The following RPAP3 variants were observed in gnomAD, a reference collection of about 807,000 sequenced individuals.
The protein encoded by RPAP3 is RNA polymerase II-associated protein 3.
RPAP3 carries 58 observed loss-of-function variants against 88.8 expected under a neutral mutation model. That is an observed-to-expected ratio of 0.65 (90% CI 0.53 to 0.81). RPAP3 has a LOEUF of 0.81. RPAP3 is among the 40% of genes least tolerant of loss of function. The probability of loss-of-function intolerance (pLI) is 0.00; values close to 1 mark genes in which losing one functional copy is unlikely to be tolerated. For synonymous variants in RPAP3, 255 were observed against 259.9 expected, an observed-to-expected ratio of 0.98 and a Z score of 0.18; for missense variants, 751 against 764.3, an observed-to-expected ratio of 0.98 and a Z score of 0.20.
At position 47,680,325 on chromosome 12, in the gene RPAP3, T is replaced by G. The variant is rs150632122; in HGVS notation, c.1115-551A>C. Among the ~76,000 whole-genome samples, 30 of 152,238 alleles carry G rather than the reference T, an allele frequency of 2.0e-4. No homozygotes were observed. The East Asian group carries it at 5.2e-3, about 26-fold the overall frequency. The stretch of plus-strand genomic sequence containing the variant: ...AGGAGAATGGAGAGTTATTGTTTAA[T>G]GTGTATAGAGTTTTAGAATGGGATG... On this transcript the variant is annotated intron_variant, in intron 10 of 16. Transcript: ENST00000005386.
At chr12:47,690,390 CA>C in intron 6 of RPAP3, 127 bp downstream of exon 6, 1 of 716,076 alleles carries the variant, frequency 1.4e-6, no homozygotes. Flanking sequence ...ATTTCAGTTG[CA>C]AAAATGACCT....
rs771910307 is a variant in RPAP3 at position 47,697,708 on chromosome 12, A to G, written c.306T>C (p.Leu102=). Residue 102 remains leucine (L), a synonymous_variant, in exon 4 of 17, where the codon CTT becomes CTC. Transcript: ENST00000005386. ...TACTATCGTCTTTGTCAAGCTCATCAAGGATACGGTCCTAAAATCAAAAGA... is the reference window on the plus strand; with the variant it reads ...TACTATCGTCTTTGTCAAGCTCATCGAGGATACGGTCCTAAAATCAAAAGA... ...AWAKLDVDRI[L]DELDKDDSTH... is the part of the protein sequence containing the mutation. The G allele has an allele frequency of 2.5e-6, 4 of 1,601,344 alleles. 1 individual carries two copies. Among genetic ancestry groups the G allele is most frequent in the South Asian group, 2.3e-5 (2 of 87,244 alleles).
chr12:47,690,987 A>G (rs899398946), intron 5 of RPAP3, among the ~76,000 whole-genome samples: 6 of 152,168 alleles, frequency 3.9e-5, no homozygotes, highest in Non-Finnish European at 8.8e-5. Context: ...TAATTAAAAA[A>G]CTTTATTGCT....
At chr12:47,674,359 TC>T (rs1939065602) in intron 12 of RPAP3, among the ~76,000 whole-genome samples, 2 of 152,108 alleles carry the variant, frequency 1.3e-5, no homozygotes, top group Admixed American at 6.5e-5. Context: ...GGAACACAGC[TC>T]CTCACCAGCA....
chr12:47,675,830 G>T (rs1939101947), intron 12 of RPAP3, among the ~76,000 whole-genome samples: 2 of 152,220 alleles, frequency 1.3e-5, no homozygotes, highest in African/African-American at 2.4e-5. Flanking sequence ...ATATTGGACA[G>T]ATCAACGAGA....
intron 5 of RPAP3, among the ~76,000 whole-genome samples, chr12:47,693,266 G>C (rs190758816): frequency 6.6e-6 from 1 of 152,228 alleles, no homozygotes; most frequent in East Asian, 1.9e-4. Flanking sequence ...GAGAGATGGG[G>C]GGTCGGGGGT....
At position 47,667,737 on chromosome 12, in the gene RPAP3, A is replaced by C. The variant is rs1257766165; in HGVS notation, c.1811+17T>G. The C allele has an allele frequency of 4.7e-6, 7 of 1,501,074 alleles. No homozygotes were observed. Among genetic ancestry groups the C allele is most frequent in the South Asian group, 1.2e-5 (1 of 82,540 alleles). The allele number at this position is 1,501,074 out of a possible 1,614,324, so 93.0% of individuals were successfully genotyped here. On this transcript the variant is annotated intron_variant, in intron 15 of 16. Coordinates refer to ENST00000005386, the MANE Select transcript of RPAP3 (RefSeq NM_024604.3). ...TAAGTGAGGACTTACTGTATAACTA[A>C]AAAAAACTTGACTTACTCAATGTAA...
chr12:47,681,329 G>A (rs1288920404), intron 10 of RPAP3, among the ~76,000 whole-genome samples: 2 of 152,162 alleles, frequency 1.3e-5, no homozygotes, highest in African/African-American at 4.8e-5. Context: ...TGATGTCACA[G>A]TATTGGCTTC....
chr12:47,668,874 A>C (rs755771259), intron 14 of RPAP3, 42 bp downstream of exon 14: 1 of 1,476,454 alleles, frequency 6.8e-7, no homozygotes, highest in Non-Finnish European at 9.5e-7. Context: ...AAGTTCTCTG[A>C]CCTTTTACTT....
intron 6 of RPAP3, 27 bp from the exon 7 acceptor site, chr12:47,689,222 T>A (rs770081172): frequency 2.2e-5 from 21 of 959,932 alleles, no homozygotes; most frequent in African/African-American, 8.4e-5. Flanking sequence ...ATAAAAAAAA[T>A]TTTTAAAGAT....
Position 47,688,538 on chromosome 12 carries a change from T to C in RPAP3, c.739-537A>G, listed in dbSNP as rs547583052. Among the ~76,000 whole-genome samples the C allele has an allele frequency of 3.9e-5, 6 of 152,286 alleles. No homozygotes were observed. In the South Asian group the frequency reaches 1.2e-3, roughly 32 times the overall value. Reference sequence around the variant, plus strand: ...AATAAGTAGCATCCATTAAAAGTAGTTGCTCATTTATTCAACAAATATTTA... The same window carrying C: ...AATAAGTAGCATCCATTAAAAGTAGCTGCTCATTTATTCAACAAATATTTA... On this transcript the variant is annotated intron_variant, in intron 7 of 16. Transcript: ENST00000005386.
At chr12:47,680,393 T>C (rs1939199829) in intron 10 of RPAP3, among the ~76,000 whole-genome samples, 1 of 152,108 alleles carries the variant, frequency 6.6e-6, no homozygotes, top group Admixed American at 6.6e-5. Flanking sequence ...GGCTGCACAA[T>C]GTAAATGTAT....
intron 4 of RPAP3, 144 bp downstream of exon 4, chr12:47,697,453 A>G: frequency 1.5e-6 from 1 of 648,970 alleles, no homozygotes; most frequent in Non-Finnish European, 2.5e-6. Flanking sequence ...CCACCATGTT[A>G]CAATGCCTCC....
intron 5 of RPAP3, among the ~76,000 whole-genome samples, chr12:47,694,206 A>T (rs1392776833): frequency 2.0e-5 from 3 of 152,224 alleles, no homozygotes; most frequent in African/African-American, 7.2e-5. Context: ...ATAATTAAAG[A>T]TAGTGTGGAA....
At chr12:47,679,669 A>C (rs761265773) in intron 11 of RPAP3, 35 bp downstream of exon 11, 14 of 1,547,456 alleles carry the variant, frequency 9.0e-6, no homozygotes, top group Non-Finnish European at 1.2e-5. Context: ...TGTTTCAGAA[A>C]ATATGACCAT....
intron 9 of RPAP3, among the ~76,000 whole-genome samples, chr12:47,682,595 A>G (rs1939244696): frequency 1.3e-5 from 2 of 152,144 alleles, no homozygotes; most frequent in African/African-American, 4.8e-5. Context: ...GACCAAAAAA[A>G]GTATGGCTTG....
chr12:47,684,062 G>A (rs563919289), intron 9 of RPAP3, among the ~76,000 whole-genome samples: 19 of 152,170 alleles, frequency 1.2e-4, no homozygotes, highest in Admixed American at 8.5e-4. Flanking sequence ...TTTGTTCTTG[G>A]TCAGTCCTCT....
At chr12:47,688,064 C>A in intron 7 of RPAP3, 63 bp from the exon 8 acceptor site, 1 of 1,381,114 alleles carries the variant, frequency 7.2e-7, no homozygotes, top group Non-Finnish European at 9.6e-7. Flanking sequence ...TATATTTGAC[C>A]TTAAAACATA....
At chr12:47,695,826 C>T (rs757842240) in intron 5 of RPAP3, 1 of 152,120 alleles carries the variant, frequency 6.6e-6, no homozygotes, top group Non-Finnish European at 1.5e-5. Context: ...AAGACAATAC[C>T]ACATTTATAT....
Sources: allele counts gnomAD v4.1 joint callset (sites outside exome capture counted in the v4.1 genomes callset), GRCh38; gene constraint gnomAD v4.1.1; transcripts MANE v1.5; gene names NCBI Gene and HGNC (gene_info 2026-07-23, HGNC 2026-07-21).